PVT1: variants seen among roughly 807,000 people sequenced by gnomAD.
PVT1 encodes CXCR4/PVT1 fusion.
At chr8:127,837,331 A>T (rs958117527) in intron 2 of PVT1, among the ~76,000 whole-genome samples, 2 of 151,926 alleles carry the variant, frequency 1.3e-5, no homozygotes, top group Non-Finnish European at 2.9e-5. Context: ...AGGAAAAAAG[A>T]AGGCCGGGGG....
At chr8:128,002,968 T>TTCCTTCCTTC (rs1554603603) in intron 4 of PVT1, among the ~76,000 whole-genome samples, 26 of 84,604 alleles carry the variant, frequency 3.1e-4, no homozygotes, top group Non-Finnish European at 1.1e-4. Context: ...CCTCCCTCCC[T>TTCCTTCCTTC]CTTCCTTCCT....
At chr8:127,821,008 C>G (rs1484630545) in intron 2 of PVT1, among the ~76,000 whole-genome samples, 1 of 152,088 alleles carries the variant, frequency 6.6e-6, no homozygotes, top group Non-Finnish European at 1.5e-5. Context: ...TGCGCCGAGC[C>G]TGAGCCTCAG....
intron 3 of PVT1, among the ~76,000 whole-genome samples, chr8:127,960,472 G>A (rs901287253): frequency 1.3e-5 from 2 of 152,128 alleles, no homozygotes; most frequent in Admixed American, 6.5e-5. Context: ...AAGGATCACC[G>A]AGAGAAGTTA....
chr8:127,845,140 A>T (rs1291147399), intron 2 of PVT1, among the ~76,000 whole-genome samples: 5 of 152,136 alleles, frequency 3.3e-5, no homozygotes, highest in Non-Finnish European at 7.4e-5. Context: ...TTTAGAATTT[A>T]GCCCTTTGCA....
intron 4 of PVT1, among the ~76,000 whole-genome samples, chr8:128,019,917 C>G (rs913604439): frequency 2.0e-5 from 3 of 152,226 alleles, no homozygotes; most frequent in African/African-American, 7.2e-5. Flanking sequence ...ATATGTTCTT[C>G]CAATGACCTG....
chr8:128,041,507 G>T (rs547452338), intron 4 of PVT1, among the ~76,000 whole-genome samples: 2 of 142,598 alleles, frequency 1.4e-5, no homozygotes, highest in East Asian at 2.1e-4. Flanking sequence ...GTATGTGTGT[G>T]TGTGTGTATG....
chr8:128,041,312 TGTGC>T (rs1245204335), intron 4 of PVT1, among the ~76,000 whole-genome samples: 1 of 26,524 alleles, frequency 3.8e-5, no homozygotes, highest in Non-Finnish European at 1.0e-4. Flanking sequence ...TGCTCATGTT[TGTGC>T]ATGTGTGTGC....
intron 2 of PVT1, among the ~76,000 whole-genome samples, chr8:127,853,871 G>C (rs1165071279): frequency 6.6e-6 from 1 of 150,386 alleles, no homozygotes; most frequent in Non-Finnish European, 1.5e-5. Context: ...TTAAGTCTAC[G>C]AGCATCTTAT....
At chr8:128,012,134 A>G (rs1817321205) in intron 4 of PVT1, among the ~76,000 whole-genome samples, 1 of 152,198 alleles carries the variant, frequency 6.6e-6, no homozygotes, top group Admixed American at 6.5e-5. Flanking sequence ...TCAAAACATT[A>G]GAGTTGACAT....
chr8:127,820,506 G>A (rs914875820), intron 2 of PVT1, among the ~76,000 whole-genome samples: 3 of 152,150 alleles, frequency 2.0e-5, no homozygotes, highest in African/African-American at 7.2e-5. Context: ...TTTCAACAAT[G>A]TGCCTGGAAT....
intron 2 of PVT1, among the ~76,000 whole-genome samples, chr8:127,844,775 A>G (rs1033883552): frequency 4.6e-5 from 7 of 151,642 alleles, no homozygotes; most frequent in South Asian, 2.1e-4. Flanking sequence ...GTGCAGTGGC[A>G]CGATCTCGGC....
At chr8:127,900,995 G>T (rs936541390) in intron 3 of PVT1, among the ~76,000 whole-genome samples, 3 of 152,222 alleles carry the variant, frequency 2.0e-5, no homozygotes, top group African/African-American at 7.2e-5. Flanking sequence ...CAGAGTCTGG[G>T]TGTGGAAGGA....
chr8:128,052,213 G>A (rs1813707011), intron 4 of PVT1, among the ~76,000 whole-genome samples: 1 of 152,114 alleles, frequency 6.6e-6, no homozygotes, highest in Admixed American at 6.5e-5. Flanking sequence ...GGGTCCCTGG[G>A]GGCCAGACTG....
intron 2 of PVT1, among the ~76,000 whole-genome samples, chr8:127,821,344 G>A (rs928010896): frequency 1.4e-4 from 21 of 152,004 alleles, no homozygotes; most frequent in African/African-American, 4.8e-4. Context: ...TATGTAAATT[G>A]CACAATGGAT....
intron 3 of PVT1, chr8:127,960,792 A>G (rs1816631295): frequency 2.8e-6 from 1 of 356,412 alleles, no homozygotes; most frequent in Non-Finnish European, 5.8e-6. Context: ...GACACTTCAA[A>G]ACATAGGGTA....
chr8:128,006,767 C>T (rs1335270725), intron 4 of PVT1, among the ~76,000 whole-genome samples: 3 of 152,174 alleles, frequency 2.0e-5, no homozygotes, highest in African/African-American at 7.2e-5. Flanking sequence ...CTTGGATTCT[C>T]ATTATATTGG....
rs979900190 is a variant in PVT1 at position 127,984,609 on chromosome 8, ATGT to A, written n.783-4542_783-4540del. Among the ~76,000 whole-genome samples, 10 of 152,212 alleles carry A rather than the reference ATGT, an allele frequency of 6.6e-5. No individual in the cohort carries two copies. In the East Asian group the frequency reaches 1.2e-3, roughly 18 times the overall value. ...ACCCCAGTCCAGGAGCAGCTGTTTT[ATGT>A]TGTTGTTGTTTTGAGACAGAGTTTT... On this transcript the variant is annotated intron_variant and non_coding_transcript_variant, in intron 3 of 10. Coordinates refer to ENST00000651587, the Ensembl canonical transcript of PVT1.
At chr8:128,014,118 C>T (rs1817344709) in intron 4 of PVT1, among the ~76,000 whole-genome samples, 2 of 152,212 alleles carry the variant, frequency 1.3e-5, no homozygotes, top group African/African-American at 4.8e-5. Context: ...GTCAGTGTCT[C>T]TCACGAAGCT....
chr8:127,839,367 G>A (rs1338384866), intron 2 of PVT1, among the ~76,000 whole-genome samples: 1 of 151,780 alleles, frequency 6.6e-6, no homozygotes, highest in African/African-American at 2.4e-5. Flanking sequence ...GGGCAACAGA[G>A]GGAGACCCTA....
Sources: allele counts gnomAD v4.1 joint callset (sites outside exome capture counted in the v4.1 genomes callset), GRCh38; gene constraint gnomAD v4.1.1; transcripts MANE v1.5; gene names NCBI Gene and HGNC (gene_info 2026-07-23, HGNC 2026-07-21).